Variants in NLK observed in about 807,000 individuals in gnomAD.
NLK encodes serine/threonine-protein kinase NLK.
A neutral mutation model predicts 59.0 loss-of-function variants in NLK; 11 were observed. The observed-to-expected ratio is 0.19, with a 90% CI of 0.12 to 0.31. NLK has a LOEUF of 0.31. NLK is among the 10% of genes least tolerant of loss of function. The pLI, the probability that NLK is intolerant of heterozygous loss-of-function variation, is 1.00. For synonymous variants in NLK, 235 were observed against 235.9 expected (o/e 1.00, Z 0.03); for missense variants, 410 against 661.1 (o/e 0.62, Z 4.16).
At chr17:28,091,096 G>A (rs554230721) in intron 1 of NLK, among the ~76,000 whole-genome samples, 5 of 151,964 alleles carry the variant, frequency 3.3e-5, no homozygotes, top group African/African-American at 4.8e-5. Context: ...TTATTTACTC[G>A]TCACTGACTT....
At chr17:28,140,577 C>A (rs976196704) in intron 3 of NLK, among the ~76,000 whole-genome samples, 9 of 151,992 alleles carry the variant, frequency 5.9e-5, no homozygotes, top group African/African-American at 2.2e-4. Context: ...TGTTTTATGC[C>A]CTTTCTAACT....
chr17:28,164,352 AGAGT>A (rs1006427481), intron 5 of NLK, among the ~76,000 whole-genome samples: 1 of 150,968 alleles, frequency 6.6e-6, no homozygotes, highest in Non-Finnish European at 1.5e-5. Flanking sequence ...CCTAGGTGAC[AGAGT>A]GAGACCCTGT....
chr17:28,192,427 G>A (rs1477372176), intron 10 of NLK, among the ~76,000 whole-genome samples: 1 of 152,164 alleles, frequency 6.6e-6, no homozygotes, highest in Non-Finnish European at 1.5e-5. Context: ...CCAGCACTTT[G>A]GGAAGCCAAG....
rs775149069 is a variant in NLK, at chr17:28,185,276, T to C, written c.1236+11T>C. On this transcript the variant is annotated intron_variant, in intron 8 of 10. Coordinates refer to ENST00000407008, the MANE Select transcript of NLK (RefSeq NM_016231.5). Reference sequence around the variant, plus strand: ...TTGGTCTTTGATCCAGTAAGTAGTGTTTTTTTTTATATATTTTTAATGAAT... The same window carrying C: ...TTGGTCTTTGATCCAGTAAGTAGTGCTTTTTTTTATATATTTTTAATGAAT... The C allele has an allele frequency of 1.4e-6, 2 of 1,450,584 alleles. No individual in the cohort carries two copies. Among genetic ancestry groups the C allele is most frequent in the South Asian group, 2.6e-5 (2 of 76,606 alleles). 89.9% of individuals were successfully genotyped at this position (1,450,584 alleles called of 1,614,324 possible).
At chr17:28,203,114 AAAAT>A in the NLK span, among the ~76,000 whole-genome samples, 2 of 151,432 alleles carry the variant, frequency 1.3e-5, no homozygotes. Flanking sequence ...ACTCTTTTGA[AAAAT>A]AAACACGCAA....
At chr17:28,170,887 A>G (rs1189178117) in intron 6 of NLK, among the ~76,000 whole-genome samples, 1 of 152,192 alleles carries the variant, frequency 6.6e-6, no homozygotes, top group Non-Finnish European at 1.5e-5. Context: ...AGGAGAATTC[A>G]TGTCTGTCTA....
chr17:28,048,122 A>G (rs190368478), intron 1 of NLK: 110 of 393,332 alleles, frequency 2.8e-4, no homozygotes, highest in African/African-American at 2.1e-3. Flanking sequence ...AATTTTAACT[A>G]CAAACGAACT....
intron 3 of NLK, among the ~76,000 whole-genome samples, chr17:28,138,109 G>A (rs961520832): frequency 2.6e-5 from 4 of 152,086 alleles, no homozygotes; most frequent in African/African-American, 9.7e-5. Flanking sequence ...ATTAGAAAAC[G>A]GAGTTTATTA....
intron 1 of NLK, among the ~76,000 whole-genome samples, chr17:28,119,006 T>C (rs1484116849): frequency 1.3e-5 from 2 of 152,202 alleles, no homozygotes; most frequent in Non-Finnish European, 2.9e-5. Flanking sequence ...TAAGGATGGC[T>C]CCTTTTTTTC....
chr17:28,172,679 A>G, intron 7 of NLK, 61 bp downstream of exon 7: 1 of 936,774 alleles, frequency 1.1e-6, no homozygotes, highest in Non-Finnish European at 1.5e-6. Flanking sequence ...TTCCCTTCCA[A>G]TAGAGTAATC....
At chr17:28,102,065 G>A (rs1232116754) in intron 1 of NLK, among the ~76,000 whole-genome samples, 1 of 151,966 alleles carries the variant, frequency 6.6e-6, no homozygotes, top group South Asian at 2.1e-4. Context: ...TTGTTTCTTT[G>A]TCCATTATGA....
intron 5 of NLK, 108 bp from the exon 6 acceptor site, chr17:28,168,335 CAAAAA>C: frequency 3.4e-6 from 2 of 596,104 alleles, no homozygotes; most frequent in Non-Finnish European, 5.7e-6. Flanking sequence ...GACTCCATCT[CAAAAA>C]AAAAAAAAAA....
chr17:28,046,038 A>G (rs754545438), intron 1 of NLK, among the ~76,000 whole-genome samples: 1 of 152,252 alleles, frequency 6.6e-6, no homozygotes, highest in Non-Finnish European at 1.5e-5. Flanking sequence ...AGCATATGAC[A>G]AGAAACTGTA....
intron 3 of NLK, among the ~76,000 whole-genome samples, chr17:28,158,938 C>G (rs115231473): frequency 0.01 from 1,568 of 152,302 alleles, 30 homozygotes; most frequent in African/African-American, 0.036. Flanking sequence ...AGCACTGTTA[C>G]AGTCTGTGGG....
At chr17:28,102,431 A>C (rs1904934774) in intron 1 of NLK, among the ~76,000 whole-genome samples, 1 of 152,088 alleles carries the variant, frequency 6.6e-6, no homozygotes, top group African/African-American at 2.4e-5. Flanking sequence ...CAGGTGGATC[A>C]TGAGGTCAGG....
chr17:28,093,085 A>G (rs929918530), intron 1 of NLK, among the ~76,000 whole-genome samples: 1 of 151,926 alleles, frequency 6.6e-6, no homozygotes, highest in Non-Finnish European at 1.5e-5. Context: ...GAACCACCGC[A>G]CCCGGCCTAG....
intron 5 of NLK, among the ~76,000 whole-genome samples, chr17:28,167,855 C>T (rs1424825475): frequency 1.3e-5 from 2 of 151,442 alleles, no homozygotes; most frequent in East Asian, 2.0e-4. Context: ...AAGTCGTTTA[C>T]GTTCACCTAG....
intron 8 of NLK, among the ~76,000 whole-genome samples, chr17:28,186,518 C>T (rs187871081): frequency 3.3e-5 from 5 of 152,220 alleles, no homozygotes; most frequent in Admixed American, 3.3e-4. Flanking sequence ...CAAGACTGGG[C>T]AATTTACAAA....
chr17:28,180,507 G>C (rs1399732939), intron 7 of NLK, among the ~76,000 whole-genome samples: 1 of 152,170 alleles, frequency 6.6e-6, no homozygotes, highest in Non-Finnish European at 1.5e-5. Flanking sequence ...GTGTGTACTG[G>C]TGCAGTTTAA....
Sources: gnomAD v4.1 joint callset for allele counts (sites outside exome capture counted in the v4.1 genomes callset) on GRCh38, gnomAD v4.1.1 for gene constraint, MANE v1.5 for transcripts, NCBI Gene and HGNC (gene_info 2026-07-23, HGNC 2026-07-21) for gene names.